CCDC7: variants seen among roughly 807,000 people sequenced by gnomAD.
CCDC7 encodes coiled-coil domain-containing protein 7.
In CCDC7, 183 loss-of-function variants were observed where a neutral mutation model predicts 196.9. The observed-to-expected ratio is 0.93, with a 90% CI of 0.82 to 1.05. The LOEUF is 1.05. Among genes scored for constraint, CCDC7 ranks in the 50% least tolerant of loss-of-function variants. The pLI is 0.00. For synonymous variants in CCDC7, 525 were observed against 484.6 expected (o/e 1.08, Z -1.10); for missense variants, 1,540 against 1,482.2 (o/e 1.04, Z -0.64).
chr10:32,458,257 T>C (rs186978112), intron 3 of CCDC7, among the ~76,000 whole-genome samples: 1 of 152,228 alleles, frequency 6.6e-6, no homozygotes, highest in East Asian at 1.9e-4. Context: ...GGATATCCAG[T>C]TTTCCCAGCA....
downstream of CCDC7, among the ~76,000 whole-genome samples, chr10:32,879,750 T>C (rs1357704371): frequency 1.5e-5 from 2 of 129,662 alleles, no homozygotes; most frequent in East Asian, 4.9e-4. Context: ...TTCCCCTCCC[T>C]GTGTCCATGC....
At chr10:32,787,045 G>T (rs923523508) in intron 29 of CCDC7, among the ~76,000 whole-genome samples, 11 of 152,080 alleles carry the variant, frequency 7.2e-5, no homozygotes, top group Non-Finnish European at 1.3e-4. Context: ...AAAAACGAAG[G>T]AAAGGGAAGG....
At chr10:32,831,254 G>C (rs1036531043) in intron 32 of CCDC7, among the ~76,000 whole-genome samples, 1 of 152,162 alleles carries the variant, frequency 6.6e-6, no homozygotes, top group Non-Finnish European at 1.5e-5. Flanking sequence ...TGGTACACCT[G>C]TGTAGAGCAC....
chr10:32,711,878 A>G, intron 25 of CCDC7, 148 bp downstream of exon 26: 1 of 452,330 alleles, frequency 2.2e-6, no homozygotes, highest in South Asian at 4.6e-5. Context: ...CAAGAAAGAA[A>G]ACAAAGATAA....
chr10:32,595,494 A>G (rs1193535560), intron 18 of CCDC7, among the ~76,000 whole-genome samples: 1 of 152,120 alleles, frequency 6.6e-6, no homozygotes, highest in South Asian at 2.1e-4. Context: ...TCAAAAAACC[A>G]TCTCCTGGAT....
chr10:32,702,820 C>T (rs896153153), intron 24 of CCDC7, among the ~76,000 whole-genome samples: 1 of 151,984 alleles, frequency 6.6e-6, no homozygotes, highest in Non-Finnish European at 1.5e-5. Flanking sequence ...CTGTTTTATC[C>T]AAGACTAGGA....
chr10:32,596,759 G>A (rs1386535669), intron 18 of CCDC7, among the ~76,000 whole-genome samples: 1 of 152,272 alleles, frequency 6.6e-6, no homozygotes, highest in Admixed American at 6.5e-5. Flanking sequence ...TGTCTGTAAA[G>A]TATTTTATTT....
chr10:32,876,381 C>T, exon 42 of CCDC7: 1 of 1,610,464 alleles, frequency 6.2e-7, no homozygotes. Flanking sequence ...CTGTACCACA[C>T]CCATACTTTT....
chr10:32,820,580 A>G (rs1199903862), intron 31 of CCDC7, among the ~76,000 whole-genome samples: 1 of 152,112 alleles, frequency 6.6e-6, no homozygotes, highest in Non-Finnish European at 1.5e-5. Flanking sequence ...ACAAGGCTAC[A>G]GTAACCAAAA....
chr10:32,746,246 C>T (rs2074708919), intron 28 of CCDC7, among the ~76,000 whole-genome samples: 1 of 152,186 alleles, frequency 6.6e-6, no homozygotes, highest in East Asian at 1.9e-4. Context: ...AGCATCAGGA[C>T]TCATTCTTGG....
chr10:32,861,250 G>A (rs61856621), intron 41 of CCDC7, among the ~76,000 whole-genome samples: 1 of 151,818 alleles, frequency 6.6e-6, no homozygotes, highest in Non-Finnish European at 1.5e-5. Flanking sequence ...CAGAACAAAG[G>A]CCTCAGAAAT....
intron 18 of CCDC7, among the ~76,000 whole-genome samples, chr10:32,631,314 C>T (rs2064827858): frequency 6.6e-6 from 1 of 152,026 alleles, no homozygotes. Flanking sequence ...GTCTGCAGTC[C>T]ACTTTGAGTT....
rs779706931 is a variant in CCDC7, at chr10:32,824,576, G to A, written c.3240G>A (p.Lys1080=). 32 of 1,611,868 alleles carry A rather than the reference G, an allele frequency of 2.0e-5. No individual in the cohort carries two copies. In the South Asian group the frequency reaches 3.5e-4, roughly 18 times the overall value. ...GAGGTACAATAAATGATGCAATTAA[G>A]ACGCAGTTAAAGAGAAAGAGTTACC... The change falls in exon 32 of 42, where the codon AAG becomes AAA. Residue 1080 remains lysine (K), a synonymous_variant. Transcript: ENST00000639629.
chr10:32,508,869 G>T (rs1396476599), intron 9 of CCDC7, among the ~76,000 whole-genome samples: 2 of 151,186 alleles, frequency 1.3e-5, no homozygotes, highest in African/African-American at 4.9e-5. Context: ...CTGACCTCAA[G>T]TGATCTTCCC....
At chr10:32,744,386 AAAG>A (rs1479712736) in intron 28 of CCDC7, among the ~76,000 whole-genome samples, 1 of 151,966 alleles carries the variant, frequency 6.6e-6, no homozygotes, top group Non-Finnish European at 1.5e-5. Context: ...AAAAAAAAAA[AAAG>A]AAACAGCCAA....
At chr10:32,514,631 CACTA>C (rs2046747301) in intron 9 of CCDC7, 1 of 152,148 alleles carries the variant, frequency 6.6e-6, no homozygotes. Flanking sequence ...GAAACAAATA[CACTA>C]ACTATGAACA....
At chr10:32,680,690 A>G (rs1024260664) in intron 21 of CCDC7, among the ~76,000 whole-genome samples, 29 of 152,012 alleles carry the variant, frequency 1.9e-4, no homozygotes, top group African/African-American at 6.3e-4. Context: ...AGCATTATCT[A>G]TTTGCCTGTC....
At chr10:32,776,942 A>G (rs371759181) in intron 28 of CCDC7, among the ~76,000 whole-genome samples, 22 of 152,202 alleles carry the variant, frequency 1.4e-4, no homozygotes, top group African/African-American at 5.1e-4. Flanking sequence ...CAGCTGGTAC[A>G]CATGCAGATT....
At chr10:32,467,900 T>C (rs1293278201) in intron 5 of CCDC7, among the ~76,000 whole-genome samples, 1 of 152,200 alleles carries the variant, frequency 6.6e-6, no homozygotes, top group Admixed American at 6.5e-5. Flanking sequence ...GTTGTAGGTG[T>C]GCAGCCTTAT....
Sources: allele counts gnomAD v4.1 joint callset (sites outside exome capture counted in the v4.1 genomes callset), GRCh38; gene constraint gnomAD v4.1.1; transcripts MANE v1.5; gene names NCBI Gene and HGNC (gene_info 2026-07-23, HGNC 2026-07-21).